IL32: variants seen among roughly 807,000 people sequenced by gnomAD.
The protein encoded by IL32 is interleukin-32.
IL32 carries 30 observed loss-of-function variants against 16.6 expected under a neutral mutation model. The observed-to-expected ratio is 1.81, with a 90% CI of 1.35 to 2.45. The LOEUF (loss-of-function observed/expected upper bound fraction) is 2.45. IL32 is among the 30% of genes most tolerant of loss of function. The probability of loss-of-function intolerance (pLI) is 0.00; values close to 1 mark genes in which losing one functional copy is unlikely to be tolerated. For missense variants in IL32, 234 were observed against 229.8 expected (o/e 1.02, Z -0.12); for synonymous variants, 70 against 86.1 (o/e 0.81, Z 1.03).
At position 3,069,448 on chromosome 16, in the gene IL32, C is replaced by T. The variant is rs1956827693; in HGVS notation, c.*93C>T. 3 of 1,412,298 alleles carry T rather than the reference C, an allele frequency of 2.1e-6. No homozygotes were observed. Among genetic ancestry groups the T allele is most frequent in the Admixed American group, 2.3e-5 (1 of 44,000 alleles). 87.5% of individuals were successfully genotyped at this position (1,412,298 alleles called of 1,614,324 possible). A position where few individuals can be genotyped will look rare whatever the true frequency, so the allele number is the denominator to read the frequency against. On this transcript the variant is annotated 3_prime_UTR_variant, in exon 7 of 7. Transcript: ENST00000525643. The stretch of plus-strand genomic sequence containing the variant: ...TGTGCCCCGCCCTCTCCCGCACACT[C>T]AGTCCCCCTGCCTGGCGTTCCTGCC...
intron 6 of IL32, 131 bp from the exon 7 acceptor site, chr16:3,068,859 G>C (rs1956736645): frequency 7.0e-7 from 1 of 1,435,526 alleles, no homozygotes; most frequent in Non-Finnish European, 9.3e-7. Context: ...CCACGGGGCT[G>C]TGGTTGGGAA....
At chr16:3,067,267 GTC>G (rs374739811) in intron 2 of IL32, 108 bp from the exon 3 acceptor site, 10 of 670,892 alleles carry the variant, frequency 1.5e-5, no homozygotes, top group South Asian at 3.9e-5. Context: ...TCTGCCATGT[GTC>G]TCTGTGTGTG....
chr16:3,067,917 TGAGGACTGACTGATGTGGGGTGCA>T, intron 4 of IL32, 43 bp from the exon 5 acceptor site: 2 of 1,578,404 alleles, frequency 1.3e-6, no homozygotes, highest in South Asian at 2.2e-5. Context: ...TCACTGGGCT[TGAGGACTGACTGATGTGGGGTGCA>T]GAGGAGGCTT....
Position 3,069,464 on chromosome 16 carries a change from C to T in IL32, c.*109C>T, listed in dbSNP as rs574564850. The T allele has an allele frequency of 3.2e-4, 418 of 1,325,476 alleles. 2 individuals are homozygous for T. The highest frequency in any genetic ancestry group is 1.6e-3 in the African/African-American group (108 of 67,750). 82.1% of individuals were successfully genotyped at this position (1,325,476 alleles called of 1,614,324 possible). A position where few individuals can be genotyped will look rare whatever the true frequency, so the allele number is the denominator to read the frequency against. ...CCGCACACTCAGTCCCCCTGCCTGG[C>T]GTTCCTGCCGCAGCTCTGACCTGGT... On this transcript the variant is annotated 3_prime_UTR_variant, in exon 7 of 7. Transcript: ENST00000525643.
chr16:3,065,762 C>G, intron 1 of IL32, 22 bp from the exon 2 acceptor site: 1 of 1,613,338 alleles, frequency 6.2e-7, no homozygotes, highest in Non-Finnish European at 8.5e-7. Flanking sequence ...TTCTTTTCCT[C>G]ACACCTGTTC....
At chr16:3,067,683 T>A in intron 4 of IL32, 70 bp downstream of exon 4, 1 of 1,198,804 alleles carries the variant, frequency 8.3e-7, no homozygotes, top group Non-Finnish European at 1.2e-6. Flanking sequence ...TGTGTGGGGC[T>A]CAGGGTGAGA....
At chr16:3,067,209 C>T (rs1000936896) in intron 2 of IL32, among the ~76,000 whole-genome samples, 168 bp from the exon 3 acceptor site, 7 of 151,678 alleles carry the variant, frequency 4.6e-5, no homozygotes, top group African/African-American at 1.7e-4. Flanking sequence ...CCGGTCTTTC[C>T]AGGCTGTGAG....
At position 3,068,025 on chromosome 16, in the gene IL32, C is replaced by T. The variant is rs754854600; in HGVS notation, c.141+15C>T. The T allele has an allele frequency of 3.7e-6, 6 of 1,613,774 alleles. No individual in the cohort carries two copies. The highest frequency in any genetic ancestry group is 1.7e-6 in the Non-Finnish European group (2 of 1,179,694). On this transcript the variant is annotated intron_variant, in intron 5 of 6. Transcript: ENST00000525643. Reference sequence around the variant, plus strand: ...CAGAGCTGGAGGTGAGCCGTGGCCTCCCCCTCCACCAAGCTTAGTCCCTGG... The same window carrying T: ...CAGAGCTGGAGGTGAGCCGTGGCCTTCCCCTCCACCAAGCTTAGTCCCTGG...
chr16:3,065,892 C>T, intron 2 of IL32, 66 bp downstream of exon 2: 1 of 1,592,794 alleles, frequency 6.3e-7, no homozygotes, highest in Non-Finnish European at 8.6e-7. Flanking sequence ...GTGCGGGTGC[C>T]CTCAGTATTT....
Position 3,068,041 on chromosome 16 carries a change from T to C in IL32, c.141+31T>C, listed in dbSNP as rs770912273. 3 of 1,613,776 alleles carry C rather than the reference T, an allele frequency of 1.9e-6. No individual in the cohort carries two copies. In the Admixed American group the frequency reaches 5.0e-5, roughly 27 times the overall value. On this transcript the variant is annotated intron_variant, in intron 5 of 6. Transcript: ENST00000525643. ...CCGTGGCCTCCCCCTCCACCAAGCT[T>C]AGTCCCTGGGTCTTAGGCTCCACAG... is the stretch of plus-strand genomic sequence containing the variant.
chr16:3,066,908 C>T (rs368959928), intron 2 of IL32, among the ~76,000 whole-genome samples: 41 of 151,136 alleles, frequency 2.7e-4, no homozygotes, highest in African/African-American at 9.2e-4. Context: ...GGGAGGACAC[C>T]CCGGCCCACG....
intron 6 of IL32, 24 bp downstream of exon 6, chr16:3,068,263 G>C: frequency 1.9e-6 from 3 of 1,570,706 alleles, no homozygotes; most frequent in Non-Finnish European, 2.6e-6. Flanking sequence ...ACCCATCTGG[G>C]CACCTTGCCT....
At chr16:3,066,099 G>C (rs563245891) in intron 2 of IL32, among the ~76,000 whole-genome samples, 108 of 152,340 alleles carry the variant, frequency 7.1e-4, no homozygotes, top group African/African-American at 2.4e-3. Flanking sequence ...GGGTGGGGCA[G>C]GGCTCTGCTG....
intron 3 of IL32, 55 bp downstream of exon 3, chr16:3,067,470 G>A: frequency 6.2e-7 from 1 of 1,613,626 alleles, no homozygotes; most frequent in African/African-American, 1.3e-5. Context: ...CTCAGCGTGT[G>A]ACACTGAGGA....
At position 3,069,161 on chromosome 16, in the gene IL32, G is replaced by A. The variant is rs538977484; in HGVS notation, c.373G>A (p.Gly125Arg). The A allele has an allele frequency of 2.1e-5, 34 of 1,613,284 alleles. No homozygotes were observed. The highest frequency in any genetic ancestry group is 1.2e-4 in the Admixed American group (7 of 59,886). Residue 125 changes from glycine (G) to arginine (R), a missense_variant, in exon 7 of 7, where the codon GGG becomes AGG. Gly to Arg is a moderately radical substitution (Grantham distance 125). Around this residue, in one of 3 missense-constraint regions of IL32, gnomAD observed 44 missense variants for 103.1 expected, o/e 0.43. Coordinates refer to ENST00000525643, the MANE Select transcript of IL32 (RefSeq NM_001376923.1). ...MLQRLQTWWH[G>R]VLAWVKEKVV... ...GCAGCGGCTGCAGACCTGGTGGCAC[G>A]GGGTTCTGGCCTGGGTGAAGGAGAA...
At position 3,068,188 on chromosome 16, in the gene IL32, C is replaced by A; in HGVS notation, c.150C>A (p.Phe50Leu). 1 of 1,604,428 alleles carries A rather than the reference C, an allele frequency of 6.2e-7. No homozygotes were observed. Among genetic ancestry groups the A allele is most frequent in the Non-Finnish European group, 8.5e-7 (1 of 1,175,256 alleles). Reference sequence around the variant, plus strand: ...TGCCCTCCTCTCCCCAGGACGACTTCAAAGAGGGCTACCTGGAGACAGTGG... The same window carrying A: ...TGCCCTCCTCTCCCCAGGACGACTTAAAAGAGGGCTACCTGGAGACAGTGG... Reference protein sequence around the residue: ...MSSLAELEDDFKEGYLETVAA... With the variant: ...MSSLAELEDDLKEGYLETVAA... Residue 50 changes from phenylalanine to leucine, a missense_variant, in exon 6 of 7, where the codon TTC (phenylalanine) becomes TTA (leucine). Phe to Leu is a conservative substitution (Grantham distance 22). This residue lies in a region of IL32 where 137 missense variants were observed against 80.7 expected (regional missense o/e 1.70). Coordinates refer to ENST00000525643, the MANE Select transcript of IL32 (RefSeq NM_001376923.1).
chr16:3,067,237 G>T (rs1956445770), intron 2 of IL32, 140 bp from the exon 3 acceptor site: 2 of 618,996 alleles, frequency 3.2e-6, no homozygotes, highest in Non-Finnish European at 5.6e-6. Flanking sequence ...TGGGACTGCT[G>T]TCTCCTCTTA....
At chr16:3,068,553 C>G in intron 6 of IL32, 1 of 424,220 alleles carries the variant, frequency 2.4e-6, no homozygotes, top group Non-Finnish European at 4.4e-6. Context: ...CCTTGTGTTC[C>G]GTCTGCCTTG....
At position 3,068,294 on chromosome 16, in the gene IL32, T is replaced by TTTTC. The variant is rs896913220; in HGVS notation, c.201+71_201+74dup. The TTTTC allele has an allele frequency of 1.6e-5, 23 of 1,430,400 alleles. No individual in the cohort carries two copies. The African/African-American group carries it at 1.8e-4, about 11-fold the overall frequency. The allele number at this position is 1,430,400 out of a possible 1,614,324, so 88.6% of individuals were successfully genotyped here. A position where few individuals can be genotyped will look rare whatever the true frequency, so the allele number is the denominator to read the frequency against. On this transcript the variant is annotated intron_variant, in intron 6 of 6. Coordinates refer to ENST00000525643, the MANE Select transcript of IL32 (RefSeq NM_001376923.1). ...TGCCTTCCTTCACCTCTGCCCTGTC[T>TTTTC]TTTCTTTCTTTCTTTCTTTTTGTTT... is the stretch of plus-strand genomic sequence containing the variant.
Sources: allele counts gnomAD v4.1 joint callset (sites outside exome capture counted in the v4.1 genomes callset), GRCh38; gene constraint gnomAD v4.1.1; regional missense constraint gnomAD v4.1.1; transcripts MANE v1.5; gene names NCBI Gene and HGNC (gene_info 2026-07-23, HGNC 2026-07-21).